The following CBLC variants were observed in gnomAD, a reference collection of about 807,000 sequenced individuals.
CBLC encodes the protein E3 ubiquitin-protein ligase CBL-C.
A neutral mutation model predicts 58.6 loss-of-function variants in CBLC; 46 were observed. The observed-to-expected ratio is 0.79, with a 90% CI of 0.62 to 1.00. The LOEUF (loss-of-function observed/expected upper bound fraction) is 1.00, where lower values mean the gene tolerates loss of function less well. Ranked by LOEUF, CBLC falls within the 50% of genes least tolerant of loss-of-function variation. The pLI is 0.00. For synonymous variants in CBLC, 271 were observed against 264.2 expected (o/e 1.03, Z -0.25); for missense variants, 655 against 625.8 (o/e 1.05, Z -0.50).
At chr19:44,798,114 G>A (rs1772914097) in intron 9 of CBLC, among the ~76,000 whole-genome samples, 1 of 152,088 alleles carries the variant, frequency 6.6e-6, no homozygotes, top group Non-Finnish European at 1.5e-5. Context: ...TCACCCCACT[G>A]ACCACTGAGG....
At chr19:44,791,319 AAAAG>A (rs1436740928) in intron 6 of CBLC, among the ~76,000 whole-genome samples, 59 of 151,952 alleles carry the variant, frequency 3.9e-4, no homozygotes, top group Admixed American at 2.3e-3. Context: ...AAAAAAAAAA[AAAAG>A]AAAGAAAGAA....
intron 1 of CBLC, 140 bp downstream of exon 1, chr19:44,778,424 C>T (rs1239719507): frequency 1.6e-6 from 1 of 634,736 alleles, no homozygotes; most frequent in Non-Finnish European, 2.1e-6. Flanking sequence ...ACCACCTCCT[C>T]CCTCAGACTC....
intron 5 of CBLC, among the ~76,000 whole-genome samples, chr19:44,785,942 C>G (rs147419449): frequency 1.4e-3 from 216 of 151,792 alleles, no homozygotes; most frequent in African/African-American, 4.4e-3. Context: ...CTGAAAAAAA[C>G]AAAACAAAAA....
intron 1 of CBLC, 95 bp from the exon 2 acceptor site, chr19:44,780,810 C>A: frequency 7.6e-7 from 1 of 1,323,410 alleles, no homozygotes; most frequent in Non-Finnish European, 1.1e-6. Context: ...AGATAGAGTC[C>A]AGAGCCTTAT....
At position 44,793,494 on chromosome 19, in the gene CBLC, C is replaced by T. The variant is rs1355530101; in HGVS notation, c.1158C>T (p.Cys386=). Residue 386 remains cysteine, a synonymous_variant, in exon 8 of 11, where the codon TGC becomes TGT. Coordinates refer to ENST00000647358, the MANE Select transcript of CBLC (RefSeq NM_012116.4). The part of the protein sequence containing the change: ...AAWQHSDSQT[C]PFCRCEIKGW... Reference sequence around the variant, plus strand: ...CCCAGCACTCGGACAGCCAGACCTGCCCCTTCTGCCGCTGCGAGATCAAGG... The same window carrying T: ...CCCAGCACTCGGACAGCCAGACCTGTCCCTTCTGCCGCTGCGAGATCAAGG... 2 of 1,611,868 alleles carry T rather than the reference C, an allele frequency of 1.2e-6. No homozygotes were observed. Among genetic ancestry groups the T allele is most frequent in the African/African-American group, 1.3e-5 (1 of 74,842 alleles).
At chr19:44,795,802 G>T (rs143260099) in intron 9 of CBLC, among the ~76,000 whole-genome samples, 1 of 152,198 alleles carries the variant, frequency 6.6e-6, no homozygotes, top group Admixed American at 6.6e-5. Flanking sequence ...TGTCTTCTCC[G>T]TCATATCTCC....
Position 44,790,016 on chromosome 19 carries a change from A to G in CBLC, c.930A>G (p.Pro310=), listed in dbSNP as rs754454399. The change falls in exon 6 of 11, where the codon CCA becomes CCG. Residue 310 remains proline (P), a synonymous_variant. Coordinates refer to ENST00000647358, the MANE Select transcript of CBLC (RefSeq NM_012116.4). ...EGQKDGFYLY[P]DGKTHNPDLT... ...TCCCTTCCCCCAGCTACCTCTACCCAGATGGAAAGACCCACAACCCAGACC... is the reference window on the plus strand; with the variant it reads ...TCCCTTCCCCCAGCTACCTCTACCCGGATGGAAAGACCCACAACCCAGACC... The G allele has an allele frequency of 2.5e-6, 4 of 1,612,842 alleles. No homozygotes were observed. The highest frequency in any genetic ancestry group is 2.5e-6 in the Non-Finnish European group (3 of 1,179,280).
chr19:44,790,146 G>C, intron 6 of CBLC, 55 bp downstream of exon 6: 2 of 1,391,252 alleles, frequency 1.4e-6, no homozygotes, highest in Non-Finnish European at 2.0e-6. Context: ...CCACCCCCAC[G>C]TTGCCTTGGC....
chr19:44,792,541 C>A, intron 7 of CBLC, 27 bp downstream of exon 7: 1 of 1,555,518 alleles, frequency 6.4e-7, no homozygotes, highest in Non-Finnish European at 8.7e-7. Context: ...TGGCGCCTTC[C>A]CCTCTGGTCT....
intron 9 of CBLC, among the ~76,000 whole-genome samples, chr19:44,798,658 G>A (rs533861778): frequency 4.6e-5 from 7 of 152,008 alleles, no homozygotes; most frequent in East Asian, 1.9e-4. Flanking sequence ...TATCGCTTCC[G>A]CCAGGAGGTG....
At chr19:44,778,319 T>A (rs1226419533) in intron 1 of CBLC, 35 bp downstream of exon 1, 1 of 1,390,126 alleles carries the variant, frequency 7.2e-7, no homozygotes, top group Non-Finnish European at 9.3e-7. Flanking sequence ...TCCTCTGGGG[T>A]GAGGCCCAGG....
intron 9 of CBLC, among the ~76,000 whole-genome samples, chr19:44,800,099 C>T (rs2122523108): frequency 6.6e-6 from 1 of 152,310 alleles, no homozygotes; most frequent in Non-Finnish European, 1.5e-5. Flanking sequence ...ACCACTGTGT[C>T]ACCCCTGTCC....
At chr19:44,792,287 C>A in intron 6 of CBLC, 96 bp from the exon 7 acceptor site, 2 of 1,425,074 alleles carry the variant, frequency 1.4e-6, no homozygotes, top group South Asian at 1.2e-5. Context: ...GCCACCACAA[C>A]CAGCCGAGGT....
At chr19:44,779,603 G>A (rs1360817057) in intron 1 of CBLC, among the ~76,000 whole-genome samples, 1 of 148,554 alleles carries the variant, frequency 6.7e-6, no homozygotes, top group Admixed American at 6.7e-5. Flanking sequence ...CCAGACTGGA[G>A]GGCAGTGGCA....
At chr19:44,791,288 G>A (rs1197824546) in intron 6 of CBLC, among the ~76,000 whole-genome samples, 1 of 149,690 alleles carries the variant, frequency 6.7e-6, no homozygotes, top group Non-Finnish European at 1.5e-5. Flanking sequence ...CCTGGGTAAC[G>A]GAGTGGGGCT....
intron 8 of CBLC, 50 bp downstream of exon 8, chr19:44,793,670 G>A (rs199840214): frequency 1.3e-6 from 2 of 1,532,604 alleles, no homozygotes; most frequent in African/African-American, 1.4e-5. Flanking sequence ...AGGCCTGAGT[G>A]GGGAGGGACT....
At chr19:44,778,375 C>T in intron 1 of CBLC, 91 bp downstream of exon 1, 3 of 1,249,948 alleles carry the variant, frequency 2.4e-6, no homozygotes, top group Non-Finnish European at 3.1e-6. Flanking sequence ...ACTTAGGCCC[C>T]CACCCCCTCC....
At chr19:44,792,556 CT>C in intron 7 of CBLC, 42 bp downstream of exon 7, 1 of 1,527,746 alleles carries the variant, frequency 6.5e-7, no homozygotes, top group South Asian at 1.2e-5. Context: ...TGGTCTCCCC[CT>C]CTCTACAGGG....
chr19:44,797,674 G>A (rs1968207080), intron 9 of CBLC, among the ~76,000 whole-genome samples: 1 of 146,768 alleles, frequency 6.8e-6, no homozygotes, highest in Non-Finnish European at 1.5e-5. Flanking sequence ...AGAATCGCTT[G>A]AACCCAGGAG....
Sources: allele counts gnomAD v4.1 joint callset (sites outside exome capture counted in the v4.1 genomes callset), GRCh38; gene constraint gnomAD v4.1.1; transcripts MANE v1.5; gene names NCBI Gene and HGNC (gene_info 2026-07-23, HGNC 2026-07-21).